ARHGAP26: variants seen among roughly 807,000 people sequenced by gnomAD.
ARHGAP26 encodes Rho GTPase activating protein 26.
In ARHGAP26, 38 loss-of-function variants were observed where a neutral mutation model predicts 104.8. That is an observed-to-expected ratio of 0.36 (90% CI 0.28 to 0.48). The LOEUF is 0.48. ARHGAP26 is among the 20% of genes least tolerant of loss of function. The pLI is 0.99. For synonymous variants in ARHGAP26, 341 were observed against 340.0 expected, an observed-to-expected ratio of 1.00 and a Z score of -0.03; for missense variants, 704 against 947.9, an observed-to-expected ratio of 0.74 and a Z score of 3.38.
chr5:143,101,696 C>T (rs1245329481), intron 17 of ARHGAP26, among the ~76,000 whole-genome samples: 1 of 151,144 alleles, frequency 6.6e-6, no homozygotes, highest in Non-Finnish European at 1.5e-5. Context: ...TGAACAATTG[C>T]TTCCTACCTC....
chr5:143,037,347 C>T (rs1259793942), intron 13 of ARHGAP26, 86 bp downstream of exon 13: 8 of 1,146,760 alleles, frequency 7.0e-6, no homozygotes, highest in Non-Finnish European at 9.9e-6. Flanking sequence ...TGTTTCCTGA[C>T]TTTAAGTGAC....
At chr5:143,089,109 C>G (rs1791033096) in intron 17 of ARHGAP26, among the ~76,000 whole-genome samples, 1 of 152,196 alleles carries the variant, frequency 6.6e-6, no homozygotes, top group Non-Finnish European at 1.5e-5. Context: ...AAATTTAAAA[C>G]TTATATCTAA....
intron 1 of ARHGAP26, among the ~76,000 whole-genome samples, chr5:142,832,480 G>A (rs1468355924): frequency 6.6e-6 from 1 of 152,236 alleles, no homozygotes; most frequent in Non-Finnish European, 1.5e-5. Context: ...TGACCTTGCT[G>A]GCACCCTCAT....
In ARHGAP26 at chr5:142,850,161, C is replaced by T. The variant is rs1321501020; in HGVS notation, c.155-23239C>T. On this transcript the variant is annotated intron_variant, in intron 1 of 22. Coordinates refer to ENST00000645722, the MANE Select transcript of ARHGAP26 (RefSeq NM_001135608.3). Reference sequence around the variant, plus strand: ...TCTCCTGCTCTGCCTATGGCTTGTCCCCTTCTTTTGGCCCTACTATTTCCC... The same window carrying T: ...TCTCCTGCTCTGCCTATGGCTTGTCTCCTTCTTTTGGCCCTACTATTTCCC... Among the ~76,000 whole-genome samples the T allele has an allele frequency of 2.0e-5, 3 of 152,250 alleles. No homozygotes were observed. The East Asian group carries it at 5.8e-4, about 29-fold the overall frequency.
At chr5:142,864,790 A>C (rs1753971924) in intron 1 of ARHGAP26, among the ~76,000 whole-genome samples, 1 of 152,126 alleles carries the variant, frequency 6.6e-6, no homozygotes, top group South Asian at 2.1e-4. Flanking sequence ...TGAGGTACAT[A>C]CTGTCCTCAC....
At chr5:143,106,734 A>G (rs969950915) in intron 17 of ARHGAP26, among the ~76,000 whole-genome samples, 1 of 152,058 alleles carries the variant, frequency 6.6e-6, no homozygotes, top group Non-Finnish European at 1.5e-5. Context: ...CGGCCTTCCA[A>G]AGTGCTGGGA....
At chr5:143,150,338 A>G (rs954262837) in intron 20 of ARHGAP26, among the ~76,000 whole-genome samples, 1 of 152,232 alleles carries the variant, frequency 6.6e-6, no homozygotes, top group Non-Finnish European at 1.5e-5. Context: ...AGTCTAGCTA[A>G]GAAAGAAAGG....
chr5:143,147,349 G>A lies in ARHGAP26; in HGVS notation c.1956G>A (p.Leu652=), dbSNP rs1302105335. The change falls in exon 20 of 23, where the codon CTG becomes CTA. Residue 652 remains leucine, a synonymous_variant. Transcript: ENST00000645722. ...QPNMNSSDPD[L]AVVKPTRPNS... is the part of the protein sequence containing the mutation. ...ACATGAACTCCAGTGACCCAGACCT[G>A]GCTGTGGTCAAACCCACCCGGCCCA... The A allele has an allele frequency of 6.2e-7, 1 of 1,613,782 alleles. No homozygotes were observed. Among genetic ancestry groups the A allele is most frequent in the East Asian group, 2.2e-5 (1 of 44,844 alleles).
At position 142,898,191 on chromosome 5, in the gene ARHGAP26, CAT is replaced by C. The variant is rs562221795; in HGVS notation, c.598-3738_598-3737del. ...ACACACACATACACACACACACACA[CAT>C]ATATACACACACATACATATACATA... On this transcript the variant is annotated intron_variant, in intron 6 of 22. Coordinates refer to ENST00000645722, the MANE Select transcript of ARHGAP26 (RefSeq NM_001135608.3). Among the ~76,000 whole-genome samples the C allele has an allele frequency of 1.6e-4, 22 of 136,008 alleles. No individual in the cohort carries two copies. The South Asian group carries it at 3.7e-3, about 23-fold the overall frequency. 89.2% of individuals were successfully genotyped at this position (136,008 alleles called of 152,430 possible). A position where few individuals can be genotyped will look rare whatever the true frequency, so the allele number is the denominator to read the frequency against.
At chr5:143,220,123 A>G (rs900295809) in intron 22 of ARHGAP26, among the ~76,000 whole-genome samples, 2 of 152,264 alleles carry the variant, frequency 1.3e-5, no homozygotes, top group African/African-American at 4.8e-5. Context: ...TGCATCCAGT[A>G]GAGTAATAAC....
intron 11 of ARHGAP26, among the ~76,000 whole-genome samples, chr5:142,993,460 C>T (rs1351063843): frequency 1.3e-5 from 2 of 152,002 alleles, no homozygotes; most frequent in African/African-American, 4.8e-5. Context: ...TGAGCCACCA[C>T]GCCCGGCCCA....
intron 17 of ARHGAP26, among the ~76,000 whole-genome samples, chr5:143,070,667 T>C (rs111990321): frequency 1.2e-4 from 19 of 152,288 alleles, no homozygotes; most frequent in African/African-American, 4.6e-4. Context: ...CCCAGCACTT[T>C]GGGAGGCCGA....
chr5:143,127,302 G>A lies in ARHGAP26; in HGVS notation c.1698+6155G>A, dbSNP rs938318097. Among the ~76,000 whole-genome samples, 8 of 152,184 alleles carry A rather than the reference G, an allele frequency of 5.3e-5. No individual in the cohort carries two copies. The South Asian group carries it at 6.2e-4, about 12-fold the overall frequency. On this transcript the variant is annotated intron_variant, in intron 18 of 22. Coordinates refer to ENST00000645722, the MANE Select transcript of ARHGAP26 (RefSeq NM_001135608.3). ...GCTGTGTCTTGTGGCTGTGGCACTCGAAACGGTTTCTGTACATGGAGCAGG... is the reference window on the plus strand; with the variant it reads ...GCTGTGTCTTGTGGCTGTGGCACTCAAAACGGTTTCTGTACATGGAGCAGG...
intron 17 of ARHGAP26, among the ~76,000 whole-genome samples, chr5:143,088,615 G>A (rs550091543): frequency 3.2e-4 from 48 of 152,260 alleles, no homozygotes; most frequent in Non-Finnish European, 5.0e-4. Context: ...TTTCGGTGCC[G>A]CAAAAGGAAT....
chr5:143,091,178 A>AC (rs1791377528), intron 17 of ARHGAP26, among the ~76,000 whole-genome samples: 1 of 151,992 alleles, frequency 6.6e-6, no homozygotes, highest in South Asian at 2.1e-4. Flanking sequence ...CGCTTTCTTG[A>AC]CTCGGGTGTG....
At chr5:142,827,001 C>G (rs1402143678) in intron 1 of ARHGAP26, among the ~76,000 whole-genome samples, 1 of 152,076 alleles carries the variant, frequency 6.6e-6, no homozygotes, top group African/African-American at 2.4e-5. Flanking sequence ...CTTTGTGTCA[C>G]TTGTCACCTC....
rs79410613 is a variant in ARHGAP26, at chr5:142,824,988, G to A, written c.155-48412G>A. 5.5e-3 allele frequency among the ~76,000 whole-genome samples: 844 copies of A among 152,298 alleles called. 15 individuals carry two copies. The highest frequency in any genetic ancestry group is 0.019 in the African/African-American group (803 of 41,562). On this transcript the variant is annotated intron_variant, in intron 1 of 22. Transcript: ENST00000645722. ...TGGGGCAACCAATGAAAATGGATCA[G>A]CAACTCTTTTCATTCATTATAATTA...
chr5:142,954,874 CCAGTTCCTG>C (rs1482328901), intron 11 of ARHGAP26, among the ~76,000 whole-genome samples: 2 of 152,068 alleles, frequency 1.3e-5, no homozygotes, highest in African/African-American at 4.8e-5. Flanking sequence ...TGGTGTAGGG[CCAGTTCCTG>C]CACTGCTTAA....
chr5:143,060,868 G>T (rs1786600422), intron 17 of ARHGAP26, among the ~76,000 whole-genome samples: 1 of 152,058 alleles, frequency 6.6e-6, no homozygotes, highest in Non-Finnish European at 1.5e-5. Context: ...CTAGGACAGA[G>T]AAAAATGATA....
Sources: gnomAD v4.1 joint callset for allele counts (sites outside exome capture counted in the v4.1 genomes callset) on GRCh38, gnomAD v4.1.1 for gene constraint, MANE v1.5 for transcripts, NCBI Gene and HGNC (gene_info 2026-07-23, HGNC 2026-07-21) for gene names.